Variants in NHSL1 observed in about 807,000 individuals in gnomAD.
NHSL1 encodes NHS-like protein 1.
In NHSL1, 48 loss-of-function variants were observed where a neutral mutation model predicts 95.0. The ratio of observed to expected loss-of-function variants is 0.51; its 90% CI spans 0.40 to 0.64. NHSL1 has a LOEUF of 0.64. NHSL1 is among the 30% of genes least tolerant of loss of function. The pLI, the probability that NHSL1 is intolerant of heterozygous loss-of-function variation, is 0.00. For synonymous variants in NHSL1, 783 were observed against 833.9 expected (o/e 0.94, Z 1.05); for missense variants, 1,971 against 2,077.7 (o/e 0.95, Z 1.00).
At chr6:138,602,567 C>T (rs1455458619) in intron 1 of NHSL1, among the ~76,000 whole-genome samples, 1 of 152,168 alleles carries the variant, frequency 6.6e-6, no homozygotes, top group Non-Finnish European at 1.5e-5. Context: ...CTCTCGAACT[C>T]CTGACCTCTG....
At chr6:138,686,685 T>C (rs1322425056) in intron 1 of NHSL1, among the ~76,000 whole-genome samples, 2 of 152,318 alleles carry the variant, frequency 1.3e-5, no homozygotes, top group Admixed American at 6.5e-5. Flanking sequence ...AGGTGTTGAA[T>C]AAATTGCTCA....
intron 1 of NHSL1, among the ~76,000 whole-genome samples, chr6:138,655,758 T>C (rs1336241078): frequency 1.3e-5 from 2 of 152,156 alleles, no homozygotes; most frequent in Admixed American, 6.5e-5. Flanking sequence ...AAGGATTATA[T>C]CCAAATAAAA....
intron 1 of NHSL1, among the ~76,000 whole-genome samples, chr6:138,595,834 G>A (rs904623710): frequency 2.6e-5 from 4 of 152,100 alleles, no homozygotes; most frequent in Non-Finnish European, 4.4e-5. Flanking sequence ...GAAAGTGAGG[G>A]GTCCAGAGGT....
rs138464853 is a variant in NHSL1, at chr6:138,624,184, A to G, written c.96+68292T>C. 3.8e-3 allele frequency among the ~76,000 whole-genome samples: 585 copies of G among 152,280 alleles called. 7 individuals carry two copies. The highest frequency in any genetic ancestry group is 0.014 in the African/African-American group (567 of 41,560). The stretch of plus-strand genomic sequence containing the variant: ...AGAGGTGGCAGCAATGGTGGACGCT[A>G]AGAGAGTGCATCTCCACCTTTAACA... On this transcript the variant is annotated intron_variant, in intron 1 of 3. Coordinates refer to the NHSL1 transcript ENST00000491526.
intron 2 of NHSL1, among the ~76,000 whole-genome samples, chr6:138,477,406 C>T (rs1779142374): frequency 6.6e-6 from 1 of 152,136 alleles, no homozygotes; most frequent in African/African-American, 2.4e-5. Context: ...TCAAGACCAG[C>T]CTGAACAACA....
At chr6:138,435,961 A>C (rs1299176547) in intron 5 of NHSL1, among the ~76,000 whole-genome samples, 2 of 152,198 alleles carry the variant, frequency 1.3e-5, no homozygotes, top group African/African-American at 4.8e-5. Context: ...AATCACACCC[A>C]CATAAGATAG....
chr6:138,664,383 C>A (rs1410016659), intron 1 of NHSL1, among the ~76,000 whole-genome samples: 2 of 152,102 alleles, frequency 1.3e-5, no homozygotes. Context: ...GCAAGAAGTT[C>A]ACAGATTAGT....
chr6:138,476,946 C>T (rs573007330), intron 2 of NHSL1, among the ~76,000 whole-genome samples: 116 of 140,700 alleles, frequency 8.2e-4, no homozygotes, highest in Non-Finnish European at 1.2e-3. Context: ...TGCACATATA[C>T]TCCCTGAATC....
At chr6:138,540,532 C>T (rs1233907288) in intron 1 of NHSL1, among the ~76,000 whole-genome samples, 3 of 152,174 alleles carry the variant, frequency 2.0e-5, no homozygotes, top group Admixed American at 2.0e-4. Context: ...TTTCCAAATG[C>T]TGCCAAGAAA....
chr6:138,432,104 G>C lies in NHSL1; in HGVS notation c.2241C>G (p.Ser747Arg). 6.4e-7 allele frequency: 1 copy of C among 1,551,398 alleles called. No homozygotes were observed. The highest frequency in any genetic ancestry group is 2.0e-5 in the Admixed American group (1 of 51,010). ...CATTGGGGGTGGTGGCGGAAGTCAT[G>C]CTGCTGCCAGCACTAACTGTGCTCT... is the stretch of plus-strand genomic sequence containing the variant. ...RSQSTVSAGS[S>R]MTSATTPNVY... The change falls in exon 6 of 8, where the codon AGC (serine) becomes AGG (arginine). Residue 747 changes from serine (S) to arginine (R), a missense_variant. Physicochemically the swap from Ser to Arg is moderately radical, Grantham distance 110 (BLOSUM62 -1). Coordinates refer to ENST00000343505, the MANE Select transcript of NHSL1 (RefSeq NM_001144060.2). The surrounding 1 kb of genome is among the most constrained non-coding windows in gnomAD (Gnocchi z 4.4).
upstream of NHSL1, among the ~76,000 whole-genome samples, chr6:138,573,021 TTA>T: frequency 6.6e-6 from 1 of 152,310 alleles, no homozygotes; most frequent in East Asian, 1.9e-4. Flanking sequence ...ATTGTACCTG[TTA>T]CTGTCACTCC....
chr6:138,645,540 C>T (rs1785008998), intron 1 of NHSL1, among the ~76,000 whole-genome samples: 1 of 145,782 alleles, frequency 6.9e-6, no homozygotes, highest in Non-Finnish European at 1.5e-5. Context: ...CAGAGTCTTG[C>T]TCTGTTGCCC....
intron 1 of NHSL1, among the ~76,000 whole-genome samples, chr6:138,658,994 G>A (rs555978032): frequency 7.2e-5 from 11 of 151,984 alleles, no homozygotes; most frequent in African/African-American, 1.9e-4. Context: ...ACTGACAAAG[G>A]GCAAGGGAAT....
chr6:138,535,290 G>C (rs987384053), intron 1 of NHSL1, among the ~76,000 whole-genome samples: 2 of 152,130 alleles, frequency 1.3e-5, no homozygotes, highest in Non-Finnish European at 2.9e-5. Context: ...TTGGCTGGGC[G>C]CAGTGGCTCA....
At chr6:138,528,419 C>T (rs920139553) in intron 1 of NHSL1, among the ~76,000 whole-genome samples, 7 of 152,238 alleles carry the variant, frequency 4.6e-5, no homozygotes, top group East Asian at 3.9e-4. Flanking sequence ...TGGAGAGTGA[C>T]GATTTACCTG....
intron 1 of NHSL1, among the ~76,000 whole-genome samples, chr6:138,668,076 G>A (rs1237839108): frequency 6.6e-6 from 1 of 152,166 alleles, no homozygotes; most frequent in Non-Finnish European, 1.5e-5. Context: ...ACACACCACA[G>A]GTTAAACCAG....
intron 1 of NHSL1, among the ~76,000 whole-genome samples, chr6:138,615,428 C>G (rs1784565863): frequency 6.6e-6 from 1 of 152,212 alleles, no homozygotes; most frequent in African/African-American, 2.4e-5. Flanking sequence ...GTTTAGGAAA[C>G]ACCTTTTTTA....
chr6:138,487,753 T>C (rs562156648), intron 2 of NHSL1, among the ~76,000 whole-genome samples: 1 of 152,286 alleles, frequency 6.6e-6, no homozygotes. Context: ...GCAACCAGAA[T>C]TCTGGTCTCC....
At chr6:138,490,150 AT>A (rs887483120) in intron 2 of NHSL1, among the ~76,000 whole-genome samples, 117 of 151,342 alleles carry the variant, frequency 7.7e-4, no homozygotes, top group African/African-American at 2.7e-3. Flanking sequence ...TATATGTCAT[AT>A]TTTTTTTTAA....
Sources: gnomAD v4.1 joint callset for allele counts (sites outside exome capture counted in the v4.1 genomes callset) on GRCh38, gnomAD v4.1.1 for gene constraint, Gnocchi (gnomAD v3.1) non-coding constraint, MANE v1.5 for transcripts, NCBI Gene and HGNC (gene_info 2026-07-23, HGNC 2026-07-21) for gene names.